ADRA1A: variants seen among roughly 807,000 people sequenced by gnomAD.
The protein encoded by ADRA1A is alpha-1A adrenergic receptor.
In ADRA1A, 31 loss-of-function variants were observed where a neutral mutation model predicts 29.6. The ratio of observed to expected loss-of-function variants is 1.05; its 90% CI spans 0.79 to 1.41. The LOEUF (loss-of-function observed/expected upper bound fraction) is 1.41, where lower values mean the gene tolerates loss of function less well. Ranked by LOEUF, ADRA1A falls within the 40% of genes most tolerant of loss-of-function variation. The probability of loss-of-function intolerance (pLI) is 0.00; values close to 1 mark genes in which losing one functional copy is unlikely to be tolerated. For missense variants in ADRA1A, 619 were observed against 601.1 expected, an observed-to-expected ratio of 1.03 and a Z score of -0.31; for synonymous variants, 311 against 254.3, an observed-to-expected ratio of 1.22 and a Z score of -2.12.
rs73558278 is a variant in ADRA1A, at chr8:26,784,256, C to T, written c.884-13590G>A. ...GTCTCAGAAGGACTAATCCCTGGTA[C>T]CCGTTGTGATTTTCTGTGACCTCAC... On this transcript the variant is annotated intron_variant, in intron 2 of 2. Coordinates refer to ENST00000380573, the MANE Select transcript of ADRA1A (RefSeq NM_000680.4). 2.4e-3 allele frequency among the ~76,000 whole-genome samples: 358 copies of T among 152,288 alleles called. 1 individual carries two copies. The highest frequency in any genetic ancestry group is 7.7e-3 in the African/African-American group (319 of 41,564).
At chr8:26,759,204 GA>G (rs971621321) in intron 2 of ADRA1A, among the ~76,000 whole-genome samples, 5 of 152,202 alleles carry the variant, frequency 3.3e-5, no homozygotes, top group African/African-American at 1.2e-4. Context: ...TACTGAGGCA[GA>G]ATTTCTGTTG....
chr8:26,760,135 C>A (rs539909871), intron 2 of ADRA1A, among the ~76,000 whole-genome samples: 1 of 152,208 alleles, frequency 6.6e-6, no homozygotes, highest in East Asian at 1.9e-4. Context: ...AAATGCTCCT[C>A]GCTTCTCAGC....
intron 2 of ADRA1A, among the ~76,000 whole-genome samples, chr8:26,811,190 C>CTTTTTT (rs1226269478): frequency 1.1e-4 from 16 of 142,802 alleles, no homozygotes; most frequent in East Asian, 2.3e-4. Context: ...AGCTTTCTTT[C>CTTTTTT]TTTTCTTTTT....
At chr8:26,799,101 G>T (rs1808391782) in intron 2 of ADRA1A, among the ~76,000 whole-genome samples, 1 of 152,000 alleles carries the variant, frequency 6.6e-6, no homozygotes, top group Non-Finnish European at 1.5e-5. Context: ...GTATATAGTT[G>T]TTCAAAAGTT....
chr8:26,859,179 G>A (rs1813262370), intron 2 of ADRA1A: 1 of 1,289,508 alleles, frequency 7.8e-7, no homozygotes, highest in Non-Finnish European at 1.0e-6. Flanking sequence ...CTCCAAAACA[G>A]CACGTCATAT....
At chr8:26,829,267 C>A (rs965839997) in intron 2 of ADRA1A, among the ~76,000 whole-genome samples, 1 of 152,016 alleles carries the variant, frequency 6.6e-6, no homozygotes, top group East Asian at 1.9e-4. Context: ...TATAGGCTGA[C>A]AAAAAGTGGC....
At chr8:26,818,680 A>G (rs975017692) in intron 2 of ADRA1A, among the ~76,000 whole-genome samples, 6 of 152,192 alleles carry the variant, frequency 3.9e-5, no homozygotes, top group Non-Finnish European at 8.8e-5. Context: ...TGGATAATAC[A>G]TTAATACCTC....
At chr8:26,824,040 C>G (rs1208197037) in intron 2 of ADRA1A, among the ~76,000 whole-genome samples, 1 of 152,122 alleles carries the variant, frequency 6.6e-6, no homozygotes, top group Non-Finnish European at 1.5e-5. Context: ...GCTCAGCCCC[C>G]ACACCTGCTG....
At chr8:26,818,727 T>G (rs1391310159) in intron 2 of ADRA1A, among the ~76,000 whole-genome samples, 1 of 151,868 alleles carries the variant, frequency 6.6e-6, no homozygotes, top group East Asian at 1.9e-4. Flanking sequence ...GCAGACTTGA[T>G]CAAGGAGAAG....
chr8:26,773,869 G>C (rs1161066270), intron 2 of ADRA1A, among the ~76,000 whole-genome samples: 1 of 152,110 alleles, frequency 6.6e-6, no homozygotes, highest in Non-Finnish European at 1.5e-5. Flanking sequence ...GTCTCTTGCT[G>C]TGTTCCAGTC....
At chr8:26,785,117 A>G (rs936106771) in intron 2 of ADRA1A, among the ~76,000 whole-genome samples, 3 of 152,190 alleles carry the variant, frequency 2.0e-5, no homozygotes, top group Non-Finnish European at 4.4e-5. Context: ...AATGAATGAA[A>G]AAATTGAATG....
At position 26,821,040 on chromosome 8, in the gene ADRA1A, G is replaced by C. The variant is rs183104158; in HGVS notation, c.883+43047C>G. On this transcript the variant is annotated intron_variant, in intron 2 of 2. Coordinates refer to ENST00000380573, the MANE Select transcript of ADRA1A (RefSeq NM_000680.4). This position sits in a 1 kb window ranked among gnomAD's most constrained non-coding sequence, Gnocchi z 5.6. ...AGAGTAGCTAGGATTACAGGCAGGTGCCACCACACCTGGCTAATTTTTGTA... is the reference window on the plus strand; with the variant it reads ...AGAGTAGCTAGGATTACAGGCAGGTCCCACCACACCTGGCTAATTTTTGTA... 7.2e-5 allele frequency among the ~76,000 whole-genome samples: 11 copies of C among 152,130 alleles called. No homozygotes were observed. Among genetic ancestry groups the C allele is most frequent in the Admixed American group, 3.9e-4 (6 of 15,272 alleles).
chr8:26,770,025 C>T lies in ADRA1A; in HGVS notation c.*124G>A, dbSNP rs1165949704. The T allele has an allele frequency of 1.4e-6, 2 of 1,477,170 alleles. No individual in the cohort carries two copies. Among genetic ancestry groups the T allele is most frequent in the Non-Finnish European group, 1.8e-6 (2 of 1,117,894 alleles). The allele number at this position is 1,477,170 out of a possible 1,614,324, so 91.5% of individuals were successfully genotyped here. A position where few individuals can be genotyped will look rare whatever the true frequency, so the allele number is the denominator to read the frequency against. ...CTGATGAGTTGGGTCTACCACCCAC[C>T]CCATTCCCAGCAGGTCCCCTCTTTG... is the stretch of plus-strand genomic sequence containing the variant. On this transcript the variant is annotated 3_prime_UTR_variant, in exon 3 of 3. Coordinates refer to ENST00000380573, the MANE Select transcript of ADRA1A (RefSeq NM_000680.4).
intron 2 of ADRA1A, among the ~76,000 whole-genome samples, chr8:26,822,044 G>A (rs1006714474): frequency 5.9e-5 from 9 of 152,178 alleles, no homozygotes; most frequent in African/African-American, 2.2e-4. Context: ...TAAAGCTGCT[G>A]TAAAAACTCC....
chr8:26,866,971 G>T lies in ADRA1A; in HGVS notation c.-722C>A. 1 of 985,232 alleles carries T rather than the reference G, an allele frequency of 1.0e-6. No homozygotes were observed. Among genetic ancestry groups the T allele is most frequent in the Non-Finnish European group, 1.2e-6 (1 of 829,850 alleles). 61.0% of individuals were successfully genotyped at this position (985,232 alleles called of 1,614,324 possible). On this transcript the variant is annotated 5_prime_UTR_variant, in exon 1 of 3. Transcript: ENST00000380573. This position sits in a 1 kb window ranked among gnomAD's most constrained non-coding sequence, Gnocchi z 5.7. Reference sequence around the variant, plus strand: ...GCTGCTGAGCCACCAGCTCGCGCGCGGGGGATGTGGACCCGGCTTCGGTCC... The same window carrying T: ...GCTGCTGAGCCACCAGCTCGCGCGCTGGGGATGTGGACCCGGCTTCGGTCC...
intron 2 of ADRA1A, among the ~76,000 whole-genome samples, chr8:26,847,939 G>T (rs1812333337): frequency 6.6e-6 from 1 of 152,244 alleles, no homozygotes; most frequent in African/African-American, 2.4e-5. Flanking sequence ...TCCATTTTAT[G>T]TCTTGGATTT....
chr8:26,794,392 G>A (rs764429285), intron 2 of ADRA1A, among the ~76,000 whole-genome samples: 8 of 152,068 alleles, frequency 5.3e-5, no homozygotes, highest in Non-Finnish European at 1.2e-4. Context: ...TCTGGCCTCA[G>A]AATTGTGGTT....
At chr8:26,802,062 C>A (rs1040831051) in intron 2 of ADRA1A, among the ~76,000 whole-genome samples, 4 of 152,142 alleles carry the variant, frequency 2.6e-5, no homozygotes, top group East Asian at 1.9e-4. Flanking sequence ...TTAAACCAGA[C>A]CCTTATCTCT....
chr8:26,858,977 G>T, intron 2 of ADRA1A: 1 of 1,099,362 alleles, frequency 9.1e-7, no homozygotes, highest in Non-Finnish European at 1.1e-6. Context: ...AAAAGGGAAC[G>T]TGAGACTTCT....
Sources: gnomAD v4.1 joint callset for allele counts (sites outside exome capture counted in the v4.1 genomes callset) on GRCh38, gnomAD v4.1.1 for gene constraint, Gnocchi (gnomAD v3.1) non-coding constraint, MANE v1.5 for transcripts, NCBI Gene and HGNC (gene_info 2026-07-23, HGNC 2026-07-21) for gene names.